KATNAL2: variants seen among roughly 807,000 people sequenced by gnomAD.
KATNAL2 encodes the protein katanin catalytic subunit A1 like 2.
In KATNAL2, 52 loss-of-function variants were observed where a neutral mutation model predicts 76.3. That is an observed-to-expected ratio of 0.68 (90% CI 0.55 to 0.86). The LOEUF is 0.86. Ranked by LOEUF, KATNAL2 falls within the 40% of genes least tolerant of loss-of-function variation. KATNAL2 has a pLI of 0.00. For synonymous variants in KATNAL2, 243 were observed against 244.2 expected (o/e 1.00, Z 0.05); for missense variants, 660 against 668.9 (o/e 0.99, Z 0.15).
chr18:47,054,587 A>G (rs2061420798), intron 6 of KATNAL2, 149 bp downstream of exon 6: 4 of 739,850 alleles, frequency 5.4e-6, no homozygotes, highest in Non-Finnish European at 9.3e-6. Context: ...GACTTCTCTC[A>G]TTACAGCTGC....
chr18:47,025,387 A>G (rs1306099666), intron 3 of KATNAL2, among the ~76,000 whole-genome samples: 9 of 148,206 alleles, frequency 6.1e-5, no homozygotes, highest in East Asian at 4.2e-4. Flanking sequence ...CTTTCAGTCC[A>G]AATGAGGAAA....
chr18:47,028,569 T>TGC (rs1396610546), intron 3 of KATNAL2: 5 of 507,858 alleles, frequency 9.8e-6, no homozygotes, highest in Non-Finnish European at 1.4e-5. Context: ...TCGCAGCCGC[T>TGC]GCTCTCGGGC....
Position 47,033,968 on chromosome 18 carries a change from C to G in KATNAL2, c.52-12489C>G, listed in dbSNP as rs767859365. 3.1e-6 allele frequency: 5 copies of G among 1,613,364 alleles called. No homozygotes were observed. In the East Asian group the frequency reaches 1.1e-4, roughly 36 times the overall value. ...AGCCTCTCTGACTGGCTTTCCTGGACAGGAGGCAATTTCTTAGCCGAATCC... is the reference window on the plus strand; with the variant it reads ...AGCCTCTCTGACTGGCTTTCCTGGAGAGGAGGCAATTTCTTAGCCGAATCC... On this transcript the variant is annotated intron_variant, in intron 3 of 17. Coordinates refer to ENST00000683218, the MANE Select transcript of KATNAL2 (RefSeq NM_001387690.1).
At chr18:47,096,954 A>G (rs953131965) in intron 15 of KATNAL2, among the ~76,000 whole-genome samples, 5 of 151,920 alleles carry the variant, frequency 3.3e-5, no homozygotes, top group Admixed American at 3.3e-4. Context: ...CATGGTTAAC[A>G]TGGTGAAACT....
intron 3 of KATNAL2, among the ~76,000 whole-genome samples, chr18:47,045,329 CTT>C (rs10533284): frequency 0.45 from 62,411 of 138,954 alleles, 13,612 homozygotes; most frequent in East Asian, 0.62. Flanking sequence ...CTTTTCTTTT[CTT>C]TTTTTTTTTT....
chr18:47,083,419 G>A (rs779040291), intron 15 of KATNAL2, among the ~76,000 whole-genome samples: 16 of 152,196 alleles, frequency 1.1e-4, no homozygotes, highest in Non-Finnish European at 1.0e-4. Flanking sequence ...GTTAGTGGCA[G>A]TTCTCATCTA....
At chr18:47,030,923 G>A (rs865864095) in intron 3 of KATNAL2, among the ~76,000 whole-genome samples, 8 of 62,658 alleles carry the variant, frequency 1.3e-4, no homozygotes, top group Middle Eastern at 7.4e-3. Context: ...TCCAGCTTTG[G>A]CTAACTTTCT....
chr18:47,099,827 T>A (rs1252046450), intron 16 of KATNAL2, among the ~76,000 whole-genome samples: 1 of 152,202 alleles, frequency 6.6e-6, no homozygotes, highest in Non-Finnish European at 1.5e-5. Flanking sequence ...CTGGTGTCCA[T>A]TCCCAGGGTG....
intron 7 of KATNAL2, among the ~76,000 whole-genome samples, chr18:47,059,173 T>C (rs2061556826): frequency 6.6e-6 from 1 of 151,948 alleles, no homozygotes; most frequent in African/African-American, 2.4e-5. Flanking sequence ...GCAGGATGAG[T>C]CCCATGGGAG....
intron 15 of KATNAL2, among the ~76,000 whole-genome samples, chr18:47,088,407 T>C (rs1199952329): frequency 1.3e-5 from 2 of 152,234 alleles, no homozygotes; most frequent in African/African-American, 4.8e-5. Flanking sequence ...TAGAGAAGAA[T>C]GGGCTACTCC....
chr18:46,948,391 C>T (rs1569005012), intron 3 of KATNAL2, among the ~76,000 whole-genome samples: 2 of 151,466 alleles, frequency 1.3e-5, no homozygotes, highest in African/African-American at 2.4e-5. Flanking sequence ...GGATAACAGG[C>T]ATGAACCAAC....
At chr18:47,050,626 T>C (rs1369483480) in intron 4 of KATNAL2, among the ~76,000 whole-genome samples, 1 of 152,212 alleles carries the variant, frequency 6.6e-6, no homozygotes, top group Non-Finnish European at 1.5e-5. Context: ...GAACTGATCA[T>C]TTTCCGAAAC....
chr18:47,069,382 T>A, intron 12 of KATNAL2, 99 bp downstream of exon 12: 1 of 1,355,210 alleles, frequency 7.4e-7, no homozygotes, highest in South Asian at 1.3e-5. Context: ...ACACGAGAGC[T>A]GAGCAGTCAC....
intron 3 of KATNAL2, among the ~76,000 whole-genome samples, chr18:47,032,166 AC>A (rs748078479): frequency 3.3e-5 from 5 of 152,200 alleles, no homozygotes; most frequent in Non-Finnish European, 7.3e-5. Context: ...TCTATGTGTT[AC>A]TTAGGGAAAC....
chr18:46,922,373 T>G (rs2058593937), intron 1 of KATNAL2, among the ~76,000 whole-genome samples: 1 of 152,078 alleles, frequency 6.6e-6, no homozygotes, highest in Admixed American at 6.6e-5. Context: ...CTAGGATTAC[T>G]GATGTGAGCC....
In KATNAL2 at chr18:46,935,430, G is replaced by A. The variant is rs150085064; in HGVS notation, c.-509-10627G>A. 3.4e-3 allele frequency among the ~76,000 whole-genome samples: 516 copies of A among 152,104 alleles called. 1 individual carries two copies. The highest frequency in any genetic ancestry group is 0.01 in the Middle Eastern group (3 of 294). ...AGCACAGTTATTTTAAGGAGGTGCC[G>A]CCACCTCTTTGGGGCAGCAAAAATA... is the stretch of plus-strand genomic sequence containing the variant. On this transcript the variant is annotated intron_variant, in intron 1 of 17. Coordinates refer to ENST00000683218, the MANE Select transcript of KATNAL2 (RefSeq NM_001387690.1).
chr18:47,035,126 T>G, intron 3 of KATNAL2: 1 of 1,611,584 alleles, frequency 6.2e-7, no homozygotes, highest in Non-Finnish European at 8.5e-7. Context: ...CTGATTCCAG[T>G]CTCCGCCAGG....
rs185881715 is a variant in KATNAL2, at chr18:47,061,024, A to G, written c.549+1370A>G. Among the ~76,000 whole-genome samples, 811 of 152,332 alleles carry G rather than the reference A, an allele frequency of 5.3e-3. 4 individuals are homozygous for G. The highest frequency in any genetic ancestry group is 6.9e-3 in the Non-Finnish European group (470 of 68,032). ...ACTTAACCTTTGAAATAGTCTGACT[A>G]TAAATCCTCTTACCAGCAGAAATGT... On this transcript the variant is annotated intron_variant, in intron 8 of 17. Coordinates refer to ENST00000683218, the MANE Select transcript of KATNAL2 (RefSeq NM_001387690.1).
At chr18:47,047,248 T>A (rs2061189721) in intron 4 of KATNAL2, among the ~76,000 whole-genome samples, 1 of 152,186 alleles carries the variant, frequency 6.6e-6, no homozygotes, top group South Asian at 2.1e-4. Flanking sequence ...TTGCCTCATT[T>A]ACCTAGATAT....
Sources: allele counts gnomAD v4.1 joint callset (sites outside exome capture counted in the v4.1 genomes callset), GRCh38; gene constraint gnomAD v4.1.1; transcripts MANE v1.5; gene names NCBI Gene and HGNC (gene_info 2026-07-23, HGNC 2026-07-21).